The following PARL variants were observed in gnomAD, a reference collection of about 807,000 sequenced individuals.
PARL encodes presenilin-associated rhomboid-like protein, mitochondrial.
PARL carries 44 observed loss-of-function variants against 51.6 expected under a neutral mutation model. The ratio of observed to expected loss-of-function variants is 0.85; its 90% confidence interval spans 0.67 to 1.10. PARL has a LOEUF of 1.10. Among genes scored for constraint, PARL ranks in the 50% least tolerant of loss-of-function variants. PARL has a pLI of 0.00. For missense variants in PARL, 441 were observed against 469.5 expected (o/e 0.94, Z 0.56); for synonymous variants, 172 against 164.0 (o/e 1.05, Z -0.37).
chr3:183,849,631 G>A, intron 4 of PARL, among the ~76,000 whole-genome samples: 1 of 151,480 alleles, frequency 6.6e-6, no homozygotes, highest in Non-Finnish European at 1.5e-5. Context: ...GAAGCAGAAG[G>A]AAAGAATGAA....
chr3:183,861,631 C>A (rs1013007914), intron 4 of PARL, among the ~76,000 whole-genome samples: 1 of 152,070 alleles, frequency 6.6e-6, no homozygotes, highest in African/African-American at 2.4e-5. Flanking sequence ...CACTTAAGTA[C>A]AGAAAATTAA....
chr3:183,876,377 C>T (rs532413069), intron 1 of PARL, among the ~76,000 whole-genome samples: 21 of 151,910 alleles, frequency 1.4e-4, no homozygotes, highest in African/African-American at 2.7e-4. Flanking sequence ...CCCAATGTTG[C>T]GACCAAATGC....
intron 1 of PARL, among the ~76,000 whole-genome samples, chr3:183,883,267 CGTACA>C (rs1356633179): frequency 1.3e-5 from 2 of 152,054 alleles, no homozygotes; most frequent in Non-Finnish European, 2.9e-5. Flanking sequence ...TCCTAATACA[CGTACA>C]GTATTTATTT....
Position 183,866,683 on chromosome 3 carries a change from A to C in PARL, c.404T>G (p.Ile135Arg). ...TATGCTATCCAACCAATCAGCTTTTATACCATCAAAATAACTCTGGACCCT... is the reference window on the plus strand; with the variant it reads ...TATGCTATCCAACCAATCAGCTTTTCTACCATCAAAATAACTCTGGACCCT... ...KSRVQSYFDGIKADWLDSIRP... is the reference protein window; with the variant it reads ...KSRVQSYFDGRKADWLDSIRP... The change falls in exon 3 of 10, where the codon ATA becomes AGA. Residue 135 changes from isoleucine (I) to arginine (R), a missense_variant. By Grantham distance (97) the Ile-to-Arg change is moderately conservative. Transcript: ENST00000317096. 1 of 1,612,498 alleles carries C rather than the reference A, an allele frequency of 6.2e-7. No homozygotes were observed. The highest frequency in any genetic ancestry group is 8.5e-7 in the Non-Finnish European group (1 of 1,179,104).
intron 3 of PARL, among the ~76,000 whole-genome samples, chr3:183,864,137 G>C (rs967789953): frequency 6.6e-6 from 1 of 152,162 alleles, no homozygotes; most frequent in Non-Finnish European, 1.5e-5. Flanking sequence ...ATTTTCACCT[G>C]CAAATATTAT....
intron 4 of PARL, among the ~76,000 whole-genome samples, chr3:183,847,427 T>C (rs543570053): frequency 6.6e-6 from 1 of 152,136 alleles, no homozygotes; most frequent in South Asian, 2.1e-4. Context: ...CAGCTGGGCA[T>C]GGTGGCACAT....
rs1228085200 is a variant in PARL at position 183,859,565 on chromosome 3, G to T, written c.511+3188C>A. Among the ~76,000 whole-genome samples, 10 of 152,070 alleles carry T rather than the reference G, an allele frequency of 6.6e-5. 1 individual carries two copies. Among genetic ancestry groups the T allele is most frequent in the Admixed American group, 6.5e-4 (10 of 15,284 alleles). ...TTGGCCAGGCTGGTCTCCAACTCCT[G>T]ACCTCAGGTGATCCACCTCCCAAAA... On this transcript the variant is annotated intron_variant, in intron 4 of 9. Coordinates refer to ENST00000317096, the MANE Select transcript of PARL (RefSeq NM_018622.7).
At chr3:183,829,779 G>A in intron 9 of PARL, 70 bp from the exon 10 acceptor site, 1 of 1,236,308 alleles carries the variant, frequency 8.1e-7, no homozygotes, top group Admixed American at 1.7e-5. Context: ...CATGGTGACA[G>A]ATCCCAAGTT....
At chr3:183,884,675 A>AG in intron 1 of PARL, 47 bp downstream of exon 1, 1 of 1,563,366 alleles carries the variant, frequency 6.4e-7, no homozygotes, top group African/African-American at 1.4e-5. Flanking sequence ...ACACGGCCAG[A>AG]GCTCAGGGAC....
At chr3:183,879,877 T>C (rs7633932) in intron 1 of PARL, 112,156 of 146,990 alleles carry the variant, frequency 0.76, 43,096 homozygotes, top group East Asian at 0.96. Context: ...CCACCAGGAC[T>C]GATTTTTTTT....
intron 4 of PARL, among the ~76,000 whole-genome samples, chr3:183,848,020 A>G (rs1730154489): frequency 6.6e-6 from 1 of 152,182 alleles, no homozygotes; most frequent in South Asian, 2.1e-4. Context: ...CTACCCTCAC[A>G]CCTGTGTAAC....
At chr3:183,844,748 AAAC>A (rs1729753610) in intron 4 of PARL, 2 of 167,148 alleles carry the variant, frequency 1.2e-5, no homozygotes, top group African/African-American at 4.8e-5. Flanking sequence ...TATGCTTCTT[AAAC>A]TTACTGCCAG....
At chr3:183,837,927 C>T (rs1486581849) in intron 7 of PARL, among the ~76,000 whole-genome samples, 1 of 152,002 alleles carries the variant, frequency 6.6e-6, no homozygotes, top group East Asian at 1.9e-4. Flanking sequence ...GCCTTGGCAA[C>T]ATAGGGAGAC....
intron 1 of PARL, among the ~76,000 whole-genome samples, chr3:183,872,947 C>T (rs1007186329): frequency 1.3e-5 from 2 of 152,188 alleles, no homozygotes; most frequent in Non-Finnish European, 2.9e-5. Flanking sequence ...TAGCCACTTA[C>T]CTCCCATCAT....
chr3:183,869,778 G>C (rs1332229146), intron 1 of PARL, among the ~76,000 whole-genome samples: 1 of 152,022 alleles, frequency 6.6e-6, no homozygotes, highest in Non-Finnish European at 1.5e-5. Flanking sequence ...GCATGTAAAT[G>C]ATTCAAATTT....
chr3:183,847,380 T>C (rs951281429), intron 4 of PARL, among the ~76,000 whole-genome samples: 1 of 152,018 alleles, frequency 6.6e-6, no homozygotes, highest in Non-Finnish European at 1.5e-5. Context: ...CTGGGCAACA[T>C]AGTGAGACCT....
intron 6 of PARL, among the ~76,000 whole-genome samples, chr3:183,840,911 AAC>A (rs1266783640): frequency 3.3e-5 from 5 of 152,038 alleles, no homozygotes; most frequent in African/African-American, 1.2e-4. Context: ...TACACAGATA[AAC>A]AGTGTCGGGT....
At chr3:183,838,551 C>T (rs1728930267) in intron 7 of PARL, among the ~76,000 whole-genome samples, 1 of 152,292 alleles carries the variant, frequency 6.6e-6, no homozygotes, top group Admixed American at 6.5e-5. Flanking sequence ...TGAACAGGAA[C>T]TACCATGTCC....
intron 4 of PARL, among the ~76,000 whole-genome samples, chr3:183,848,929 C>A (rs773610486): frequency 4.6e-5 from 7 of 152,122 alleles, no homozygotes; most frequent in South Asian, 4.2e-4. Context: ...ACAAAATAGA[C>A]CTTAAGACAA....
Sources: allele counts gnomAD v4.1 joint callset (sites outside exome capture counted in the v4.1 genomes callset), GRCh38; gene constraint gnomAD v4.1.1; transcripts MANE v1.5; gene names NCBI Gene and HGNC (gene_info 2026-07-23, HGNC 2026-07-21).